KMT2C: variants seen among roughly 807,000 people sequenced by gnomAD.
KMT2C encodes lysine methyltransferase 2C.
A neutral mutation model predicts 507.9 loss-of-function variants in KMT2C; 88 were observed. That is an observed-to-expected ratio of 0.17 (90% CI 0.15 to 0.21). The LOEUF is 0.21. Among genes scored for constraint, KMT2C ranks in the 10% least tolerant of loss-of-function variants. The pLI, the probability that KMT2C is intolerant of heterozygous loss-of-function variation, is 1.00. For synonymous variants in KMT2C, 2,049 were observed against 2,080.8 expected, an observed-to-expected ratio of 0.98 and a Z score of 0.42; for missense variants, 4,954 against 5,957.8, an observed-to-expected ratio of 0.83 and a Z score of 5.55.
rs2129095626 is a variant in KMT2C at position 152,148,955 on chromosome 7, C to T, written c.12972G>A (p.Glu4324=). ...GCTTCAGCTTGACTGTCACCTTCAG[C>T]TCATCTGGCTTGGCCTCGACTTGGG... is the stretch of plus-strand genomic sequence containing the variant. The part of the protein sequence containing the change: ...EAAQVEAKPD[E]LKVTVKLKPR... Residue 4324 remains glutamate, a synonymous_variant, in exon 52 of 59, where the codon GAG becomes GAA. Coordinates refer to ENST00000262189, the MANE Select transcript of KMT2C (RefSeq NM_170606.3). The surrounding 1 kb of genome is among the most constrained non-coding windows in gnomAD (Gnocchi z 7.1). The T allele has an allele frequency of 1.2e-6, 2 of 1,605,812 alleles. No individual in the cohort carries two copies. Among genetic ancestry groups the T allele is most frequent in the Non-Finnish European group, 1.7e-6 (2 of 1,175,850 alleles).
chr7:152,311,982 CA>C (rs1487290184), intron 4 of KMT2C, 36 bp from the exon 5 acceptor site: 4 of 1,504,054 alleles, frequency 2.7e-6, no homozygotes, highest in Non-Finnish European at 3.6e-6. Flanking sequence ...AAAGTGAAAA[CA>C]AGCAGAAAAT....
intron 23 of KMT2C, among the ~76,000 whole-genome samples, chr7:152,216,309 CT>C: frequency 6.6e-6 from 1 of 152,092 alleles, no homozygotes; most frequent in Non-Finnish European, 1.5e-5. Flanking sequence ...GAATTTGTTT[CT>C]GATACACCAA....
intron 18 of KMT2C, among the ~76,000 whole-genome samples, chr7:152,227,523 T>C (rs2094969209): frequency 1.3e-5 from 2 of 152,178 alleles, no homozygotes; most frequent in African/African-American, 4.8e-5. Context: ...GAGACAGTGG[T>C]CTCTGAGAGG....
At chr7:152,390,435 G>A (rs988258762) in intron 1 of KMT2C, among the ~76,000 whole-genome samples, 3 of 152,304 alleles carry the variant, frequency 2.0e-5, no homozygotes, top group African/African-American at 7.2e-5. Flanking sequence ...AGTCCTTGGG[G>A]ATTAAAGAAG....
intron 2 of KMT2C, among the ~76,000 whole-genome samples, chr7:152,357,337 A>C (rs778831129): frequency 4.6e-5 from 7 of 152,204 alleles, no homozygotes; most frequent in Non-Finnish European, 1.0e-4. Flanking sequence ...ATCCTGGCTA[A>C]CACGGTGAAA....
chr7:152,199,226 G>T lies in KMT2C; in HGVS notation c.4273+53C>A, dbSNP rs1246771355. On this transcript the variant is annotated intron_variant, in intron 27 of 58. Coordinates refer to ENST00000262189, the MANE Select transcript of KMT2C (RefSeq NM_170606.3). ...CATTTCAAAAAGATTTAACTGAAAG[G>T]AAGATGTATGTTATATGATATAAAG... 9.5e-6 allele frequency: 13 copies of T among 1,372,090 alleles called. No homozygotes were observed. In the Admixed American group the frequency reaches 3.3e-4, roughly 35 times the overall value. The allele number at this position is 1,372,090 out of a possible 1,614,324, so 85.0% of individuals were successfully genotyped here.
chr7:152,162,800 A>G lies in KMT2C; in HGVS notation c.10777T>C (p.Tyr3593His), dbSNP rs763718366. The change falls in exon 43 of 59, where the codon TAT becomes CAT. Residue 3593 changes from tyrosine to histidine, a missense_variant. Physicochemically the swap from Tyr to His is moderately conservative, Grantham distance 83 (BLOSUM62 2). Coordinates refer to ENST00000262189, the MANE Select transcript of KMT2C (RefSeq NM_170606.3). Reference sequence around the variant, plus strand: ...TTTTCCTCTGGGATTATATCAGAATACAACTGAATGAGCGATTGGGTTGAT... The same window carrying G: ...TTTTCCTCTGGGATTATATCAGAATGCAACTGAATGAGCGATTGGGTTGAT... ...PGSTQSLIQL[Y>H]SDIIPEEKGK... The G allele has an allele frequency of 1.9e-5, 31 of 1,614,168 alleles. No individual in the cohort carries two copies. In the South Asian group the frequency reaches 3.0e-4, roughly 15 times the overall value.
At chr7:152,190,652 A>T (rs2093764663) in intron 31 of KMT2C, among the ~76,000 whole-genome samples, 1 of 152,204 alleles carries the variant, frequency 6.6e-6, no homozygotes, top group Admixed American at 6.5e-5. Context: ...ATAAAAGTTC[A>T]AAAGTTACTT....
intron 29 of KMT2C, 77 bp from the exon 30 acceptor site, chr7:152,194,338 G>C (rs2129129312): frequency 7.3e-7 from 1 of 1,369,352 alleles, no homozygotes; most frequent in Non-Finnish European, 1.0e-6. Context: ...GTATTTAACT[G>C]ACAGAAATAA....
chr7:152,435,019 GA>G (rs1488941730), intron 1 of KMT2C, among the ~76,000 whole-genome samples: 3 of 152,138 alleles, frequency 2.0e-5, no homozygotes, highest in African/African-American at 7.2e-5. Flanking sequence ...GGTGTTGGGG[GA>G]GGGGGGAGGA....
chr7:152,357,745 A>T (rs1322205508), intron 2 of KMT2C, among the ~76,000 whole-genome samples: 1 of 152,192 alleles, frequency 6.6e-6, no homozygotes, highest in African/African-American at 2.4e-5. Flanking sequence ...TTGGAAAGAA[A>T]CTATAGATTA....
intron 7 of KMT2C, 90 bp downstream of exon 7, chr7:152,273,615 A>C: frequency 6.6e-7 from 1 of 1,514,540 alleles, no homozygotes; most frequent in Non-Finnish European, 8.9e-7. Context: ...TTTTAATACA[A>C]GTAGAATAAC....
intron 2 of KMT2C, among the ~76,000 whole-genome samples, chr7:152,357,300 G>A (rs1050552243): frequency 1.3e-4 from 20 of 152,082 alleles, no homozygotes; most frequent in African/African-American, 3.4e-4. Context: ...TGAGGTGAGC[G>A]GATTATGAGG....
chr7:152,392,916 G>C (rs1045685953), intron 1 of KMT2C, among the ~76,000 whole-genome samples: 10 of 152,196 alleles, frequency 6.6e-5, no homozygotes, highest in African/African-American at 2.4e-4. Context: ...GCAACATAGT[G>C]ATATCTTGTC....
At chr7:152,153,046 A>G (rs2129097943) in intron 48 of KMT2C, 92 bp from the exon 49 acceptor site, 1 of 1,452,960 alleles carries the variant, frequency 6.9e-7, no homozygotes, top group South Asian at 1.3e-5. Flanking sequence ...TCCTCTTTGC[A>G]TGATACATAG....
At chr7:152,259,900 C>A (rs913116321) in intron 9 of KMT2C, among the ~76,000 whole-genome samples, 16 of 152,300 alleles carry the variant, frequency 1.1e-4, no homozygotes, top group African/African-American at 3.6e-4. Context: ...ACAGAGAGAA[C>A]TACAGAAGAA....
In KMT2C at chr7:152,179,600, T is replaced by A. The variant is rs1038069594; in HGVS notation, c.7442+234A>T. 2.7e-5 allele frequency among the ~76,000 whole-genome samples: 4 copies of A among 147,318 alleles called. No individual in the cohort carries two copies. The Admixed American group carries it at 2.8e-4, about 10-fold the overall frequency. On this transcript the variant is annotated intron_variant, in intron 37 of 58. Coordinates refer to ENST00000262189, the MANE Select transcript of KMT2C (RefSeq NM_170606.3). ...GTAGAAAGCAGTAACAGCTTCCTGA[T>A]TAATACTAACTTCATTTGTCTATTT...
At chr7:152,434,773 GCTGGGGT>G in intron 1 of KMT2C, among the ~76,000 whole-genome samples, 1 of 152,290 alleles carries the variant, frequency 6.6e-6, no homozygotes, top group Admixed American at 6.5e-5. Context: ...CCTCTAATAA[GCTGGGGT>G]CCAGCCCTAC....
Position 152,139,238 on chromosome 7 carries a change from G to A in KMT2C, c.14482C>T (p.Arg4828Cys), listed in dbSNP as rs759486790. 2 of 1,613,708 alleles carry A rather than the reference G, an allele frequency of 1.2e-6. No individual in the cohort carries two copies. The highest frequency in any genetic ancestry group is 1.7e-6 in the Non-Finnish European group (2 of 1,179,998). Residue 4828 changes from arginine (R) to cysteine (C), a missense_variant, in exon 57 of 59, where the codon CGC (arginine) becomes TGC (cysteine). Coordinates refer to ENST00000262189, the MANE Select transcript of KMT2C (RefSeq NM_170606.3). ...TCAATCACATGGTCGTTATCCATGC[G>A]GAACATGTACACACCACGGTTCTGA... ...ESQNRGVYMF[R>C]MDNDHVIDAT...
Sources: allele counts gnomAD v4.1 joint callset (sites outside exome capture counted in the v4.1 genomes callset), GRCh38; gene constraint gnomAD v4.1.1; non-coding constraint Gnocchi (gnomAD v3.1); transcripts MANE v1.5; gene names NCBI Gene and HGNC (gene_info 2026-07-23, HGNC 2026-07-21).